The following PLEKHG1 variants were observed in gnomAD, a reference collection of about 807,000 sequenced individuals.
PLEKHG1 encodes pleckstrin homology domain-containing family G member 1.
Under a neutral mutation model 100.8 loss-of-function variants are expected in PLEKHG1, and 44 were observed. That is an observed-to-expected ratio of 0.44 (90% CI 0.34 to 0.56). The LOEUF (loss-of-function observed/expected upper bound fraction) is 0.56. PLEKHG1 is among the 20% of genes least tolerant of loss of function. The probability of loss-of-function intolerance (pLI) is 0.01; values close to 1 mark genes in which losing one functional copy is unlikely to be tolerated. For missense variants in PLEKHG1, 1,545 were observed against 1,720.9 expected (o/e 0.90, Z 1.81); for synonymous variants, 640 against 662.5 (o/e 0.97, Z 0.52).
chr6:150,753,391 A>T (rs1219221556), intron 2 of PLEKHG1, among the ~76,000 whole-genome samples: 1 of 152,158 alleles, frequency 6.6e-6, no homozygotes, highest in Admixed American at 6.6e-5. Flanking sequence ...TGGATCCACA[A>T]GAAATGTTAC....
At position 150,794,203 on chromosome 6, in the gene PLEKHG1, T is replaced by C. The variant is rs555125115; in HGVS notation, c.583-1653T>C. Among the ~76,000 whole-genome samples the C allele has an allele frequency of 1.8e-4, 28 of 152,214 alleles. No homozygotes were observed. The South Asian group carries it at 5.6e-3, about 30-fold the overall frequency. On this transcript the variant is annotated intron_variant, in intron 4 of 15. Transcript: ENST00000358517. ...AGAAAAATAGGGGAGAACTTAAAGA[T>C]GAAAAGAGACTACTAAAGAGATATC... is the stretch of plus-strand genomic sequence containing the variant.
intron 10 of PLEKHG1, among the ~76,000 whole-genome samples, 157 bp downstream of exon 11, chr6:150,809,891 CAA>C (rs201618525): frequency 1.1e-4 from 15 of 135,790 alleles, no homozygotes; most frequent in Admixed American, 2.2e-4. Context: ...GAGACTGGGT[CAA>C]AAAAAAAAAA....
rs531400286 is a variant in PLEKHG1, at chr6:150,638,681, G to A, written c.-158+556G>A. 2.1e-4 allele frequency among the ~76,000 whole-genome samples: 32 copies of A among 152,286 alleles called. No individual in the cohort carries two copies. The South Asian group carries it at 2.5e-3, about 12-fold the overall frequency. The stretch of plus-strand genomic sequence containing the variant: ...GTGTAACAATTGCTGTTCAGTGGTG[G>A]GGAGCTTACATTTCTGCCTCTTACC... On this transcript the variant is annotated intron_variant, in intron 2 of 3. Transcript: ENST00000367326.
chr6:150,790,625 G>C (rs1235574290), intron 4 of PLEKHG1, among the ~76,000 whole-genome samples: 2 of 152,164 alleles, frequency 1.3e-5, no homozygotes, highest in African/African-American at 2.4e-5. Context: ...AGTAATGTTT[G>C]TTACTGCAAA....
intron 1 of PLEKHG1, among the ~76,000 whole-genome samples, chr6:150,604,785 A>G (rs1481265394): frequency 6.6e-6 from 1 of 152,184 alleles, no homozygotes; most frequent in Admixed American, 6.5e-5. Flanking sequence ...TTCTACTTTG[A>G]GTTAGATGCT....
chr6:150,809,563 G>C (rs1787364254), intron 9 of PLEKHG1, 85 bp from the exon 11 acceptor site: 3 of 1,490,534 alleles, frequency 2.0e-6, no homozygotes, highest in South Asian at 2.3e-5. Context: ...GAGCGTTCTG[G>C]CCACATGGTC....
intron 4 of PLEKHG1, among the ~76,000 whole-genome samples, chr6:150,790,052 C>T (rs1056713731): frequency 2.0e-5 from 3 of 152,068 alleles, no homozygotes; most frequent in African/African-American, 7.2e-5. Flanking sequence ...CAGAGTTTCG[C>T]TCTTGTCACC....
At position 150,831,702 on chromosome 6, in the gene PLEKHG1, G is replaced by T. The variant is rs141171823; in HGVS notation, c.2591G>T (p.Ser864Ile). The T allele has an allele frequency of 5.6e-5, 91 of 1,613,028 alleles. No individual in the cohort carries two copies. In the African/African-American group the frequency reaches 1.2e-3, roughly 21 times the overall value. The change falls in exon 15 of 16, where the codon AGC becomes ATC. Residue 864 changes from serine to isoleucine, a missense_variant. Transcript: ENST00000358517. The surrounding 1 kb of genome is among the most constrained non-coding windows in gnomAD (Gnocchi z 4.1). Reference sequence around the variant, plus strand: ...CGTCTCCTGGCAGCGTTTCCTGTGAGCAAGGATGATGTGCCAGACAGGCTG... The same window carrying T: ...CGTCTCCTGGCAGCGTTTCCTGTGATCAAGGATGATGTGCCAGACAGGCTG...
At chr6:150,691,244 A>G (rs1780341163) in intron 3 of PLEKHG1, among the ~76,000 whole-genome samples, 1 of 152,112 alleles carries the variant, frequency 6.6e-6, no homozygotes, top group Non-Finnish European at 1.5e-5. Context: ...CTTTTAATAC[A>G]CTTGAACTTC....
At chr6:150,735,715 CAT>C (rs1782527974) in intron 2 of PLEKHG1, among the ~76,000 whole-genome samples, 1 of 152,188 alleles carries the variant, frequency 6.6e-6, no homozygotes, top group Non-Finnish European at 1.5e-5. Flanking sequence ...TCTCAGGAAA[CAT>C]ATGGTTATTA....
intron 5 of PLEKHG1, among the ~76,000 whole-genome samples, chr6:150,796,464 G>T (rs1786339442): frequency 6.6e-6 from 1 of 152,166 alleles, no homozygotes; most frequent in Non-Finnish European, 1.5e-5. Context: ...GGCAGTGTAG[G>T]AAGCATCCTT....
chr6:150,832,267 C>A, intron 15 of PLEKHG1, 62 bp downstream of exon 16: 1 of 1,368,894 alleles, frequency 7.3e-7, no homozygotes, highest in South Asian at 1.4e-5. Flanking sequence ...TTTCAGATTT[C>A]AGATGTCCTT....
rs188757518 is a variant in PLEKHG1 at position 150,637,678 on chromosome 6, A to C, written c.-203-402A>C. On this transcript the variant is annotated intron_variant, in intron 1 of 3. Coordinates refer to the PLEKHG1 transcript ENST00000367326. ...TACGACATAGTTGATTGTGTGTGTGAGTGTGTGTGTGTCTTTTTACCTCTT... is the reference window on the plus strand; with the variant it reads ...TACGACATAGTTGATTGTGTGTGTGCGTGTGTGTGTGTCTTTTTACCTCTT... 5.8e-3 allele frequency among the ~76,000 whole-genome samples: 886 copies of C among 151,920 alleles called. 4 individuals are homozygous for C. The highest frequency in any genetic ancestry group is 0.02 in the African/African-American group (820 of 41,488).
chr6:150,628,172 A>G (rs547427703), intron 1 of PLEKHG1, among the ~76,000 whole-genome samples: 69 of 152,232 alleles, frequency 4.5e-4, no homozygotes, highest in African/African-American at 1.5e-3. Context: ...TGATTGTCAG[A>G]GGGAAGGCTG....
exon 2 of PLEKHG1, chr6:150,733,926 G>A (rs1782425140): frequency 1.9e-6 from 3 of 1,614,180 alleles, no homozygotes; most frequent in Non-Finnish European, 2.5e-6. Flanking sequence ...GCGGATGAGG[G>A]CAGCGAAAGG....
At chr6:150,704,134 G>A (rs149472417) in intron 3 of PLEKHG1, among the ~76,000 whole-genome samples, 81 of 152,342 alleles carry the variant, frequency 5.3e-4, no homozygotes, top group Middle Eastern at 3.4e-3. Context: ...TGTTGAGAAT[G>A]AATCTTAGTT....
chr6:150,675,407 A>G (rs929537709), intron 3 of PLEKHG1, among the ~76,000 whole-genome samples: 13 of 152,228 alleles, frequency 8.5e-5, no homozygotes, highest in Admixed American at 7.9e-4. Context: ...CTGTGCGTTC[A>G]TCACACATGC....
intron 11 of PLEKHG1, 23 bp from the exon 13 acceptor site, chr6:150,819,656 G>C (rs757438592): frequency 7.2e-7 from 1 of 1,387,274 alleles, no homozygotes; most frequent in South Asian, 1.2e-5. Context: ...CAGTCCCACT[G>C]ATGCACGTGG....
At chr6:150,806,874 A>G (rs1787147672) in intron 7 of PLEKHG1, among the ~76,000 whole-genome samples, 1 of 150,884 alleles carries the variant, frequency 6.6e-6, no homozygotes, top group Non-Finnish European at 1.5e-5. Flanking sequence ...TTCTGGAAAT[A>G]AACAATCTGT....
Sources: gnomAD v4.1 joint callset for allele counts (sites outside exome capture counted in the v4.1 genomes callset) on GRCh38, gnomAD v4.1.1 for gene constraint, Gnocchi (gnomAD v3.1) non-coding constraint, MANE v1.5 for transcripts, NCBI Gene and HGNC (gene_info 2026-07-23, HGNC 2026-07-21) for gene names.